The following AGMO variants were observed in gnomAD, a reference collection of about 807,000 sequenced individuals.
AGMO encodes the protein glyceryl-ether monooxygenase.
A neutral mutation model predicts 60.2 loss-of-function variants in AGMO; 75 were observed. The observed-to-expected ratio is 1.25, with a 90% CI of 1.03 to 1.51. The LOEUF (loss-of-function observed/expected upper bound fraction) is 1.51. Ranked by LOEUF, AGMO falls within the 40% of genes most tolerant of loss-of-function variation. AGMO has a pLI of 0.00. For synonymous variants in AGMO, 261 were observed against 177.1 expected (o/e 1.47, Z -3.76); for missense variants, 763 against 525.5 (o/e 1.45, Z -4.42).
At chr7:15,228,864 G>A (rs760493829) in intron 12 of AGMO, among the ~76,000 whole-genome samples, 1 of 152,074 alleles carries the variant, frequency 6.6e-6, no homozygotes, top group African/African-American at 2.4e-5. Context: ...ACAAGAATAA[G>A]TAAAAGCTCT....
chr7:15,263,811 G>T (rs1583341337), intron 12 of AGMO, among the ~76,000 whole-genome samples: 1 of 152,154 alleles, frequency 6.6e-6, no homozygotes, highest in Admixed American at 6.6e-5. Context: ...AGTAACTCAG[G>T]AATGGAAAAC....
chr7:15,286,018 CCATATGTAG>C (rs1184057064), intron 12 of AGMO, among the ~76,000 whole-genome samples: 8 of 151,978 alleles, frequency 5.3e-5, no homozygotes, highest in Admixed American at 2.0e-4. Context: ...AACTGGATAG[CCATATGTAG>C]AAGAATAAAA....
intron 12 of AGMO, among the ~76,000 whole-genome samples, chr7:15,268,917 G>A (rs540549394): frequency 1.6e-4 from 24 of 152,182 alleles, no homozygotes; most frequent in African/African-American, 5.5e-4. Flanking sequence ...AGTCATGACT[G>A]TTGAAGCTGG....
the AGMO span, among the ~76,000 whole-genome samples, chr7:15,150,908 TTA>T: frequency 1.3e-5 from 2 of 152,102 alleles, no homozygotes; most frequent in Non-Finnish European, 2.9e-5. Flanking sequence ...CAGTTCTTCT[TTA>T]TATGTCTGGT....
At chr7:15,262,068 C>A (rs1244907647) in intron 12 of AGMO, among the ~76,000 whole-genome samples, 1 of 151,226 alleles carries the variant, frequency 6.6e-6, no homozygotes, top group African/African-American at 2.4e-5. Context: ...GAAAGCATTC[C>A]CCCTGAGAAA....
At chr7:15,364,092 A>G (rs1421242926) in intron 12 of AGMO, among the ~76,000 whole-genome samples, 2 of 152,004 alleles carry the variant, frequency 1.3e-5, no homozygotes, top group Non-Finnish European at 2.9e-5. Context: ...TCCTGATACT[A>G]AGATAGTATG....
chr7:15,325,709 T>C (rs1033193685), intron 12 of AGMO, among the ~76,000 whole-genome samples: 1 of 152,172 alleles, frequency 6.6e-6, no homozygotes, highest in African/African-American at 2.4e-5. Flanking sequence ...TTGTACCTTA[T>C]CAGCTCACAT....
rs183325362 is a variant in AGMO, at chr7:15,333,071, A to T, written c.1263+32443T>A. The stretch of plus-strand genomic sequence containing the variant: ...GCTTATAACCAGAAAATTGAACTCA[A>T]CTCTATTTTATCATAATATCCTGCG... On this transcript the variant is annotated intron_variant, in intron 12 of 12. Coordinates refer to ENST00000342526, the MANE Select transcript of AGMO (RefSeq NM_001004320.2). 2.6e-5 allele frequency among the ~76,000 whole-genome samples: 4 copies of T among 152,192 alleles called. 1 individual carries two copies. Among genetic ancestry groups the T allele is most frequent in the Admixed American group, 2.0e-4 (3 of 15,254 alleles).
intron 12 of AGMO, among the ~76,000 whole-genome samples, chr7:15,245,048 T>A (rs1035458943): frequency 6.6e-6 from 1 of 152,158 alleles, no homozygotes; most frequent in African/African-American, 2.4e-5. Context: ...AAAGAAAGCA[T>A]CTTCAAGTCT....
At chr7:15,246,325 G>A (rs946926554) in intron 12 of AGMO, among the ~76,000 whole-genome samples, 1 of 151,966 alleles carries the variant, frequency 6.6e-6, no homozygotes, top group African/African-American at 2.4e-5. Flanking sequence ...CCTGTGAACT[G>A]CTGTTATTAA....
intron 3 of AGMO, among the ~76,000 whole-genome samples, chr7:15,530,300 TATTTCCATATATATTCTATATAC>T (rs1784265707): frequency 2.3e-5 from 1 of 43,064 alleles, no homozygotes; most frequent in African/African-American, 8.2e-5. Flanking sequence ...TCTATATACG[TATTTCCATATATATTCTATATAC>T]GTATTTCCAT....
intron 3 of AGMO, among the ~76,000 whole-genome samples, chr7:15,441,298 C>G (rs9639237): frequency 6.6e-6 from 1 of 151,968 alleles, no homozygotes; most frequent in Non-Finnish European, 1.5e-5. Context: ...TAAAAGTTAT[C>G]AGTACTACAT....
At chr7:15,362,208 C>T (rs2128559735) in intron 12 of AGMO, among the ~76,000 whole-genome samples, 1 of 151,966 alleles carries the variant, frequency 6.6e-6, no homozygotes, top group South Asian at 2.1e-4. Flanking sequence ...TTAAGAGATA[C>T]AAATATGAAG....
chr7:15,136,996 A>G, the AGMO span, among the ~76,000 whole-genome samples: 1 of 152,202 alleles, frequency 6.6e-6, no homozygotes, highest in Non-Finnish European at 1.5e-5. Context: ...TCCTATTTTC[A>G]TAAGATGCCA....
intron 12 of AGMO, among the ~76,000 whole-genome samples, chr7:15,215,722 G>A (rs1357838016): frequency 1.3e-5 from 2 of 151,974 alleles, no homozygotes; most frequent in Non-Finnish European, 2.9e-5. Flanking sequence ...AGTGCAGCAG[G>A]AGCTCCAAGA....
At chr7:15,514,587 T>C (rs989855998) in intron 3 of AGMO, among the ~76,000 whole-genome samples, 20 of 152,138 alleles carry the variant, frequency 1.3e-4, no homozygotes, top group African/African-American at 4.6e-4. Context: ...ATGAAGGGCA[T>C]TTAAAAACTT....
chr7:15,547,655 G>C (rs183496820), intron 2 of AGMO, among the ~76,000 whole-genome samples: 1 of 151,838 alleles, frequency 6.6e-6, no homozygotes, highest in Non-Finnish European at 1.5e-5. Flanking sequence ...CACCTGGCTC[G>C]GAGGGTCCTA....
At chr7:15,272,841 G>A (rs1392513327) in intron 12 of AGMO, among the ~76,000 whole-genome samples, 9 of 152,142 alleles carry the variant, frequency 5.9e-5, no homozygotes, top group Admixed American at 4.6e-4. Flanking sequence ...ACTGGTGTGA[G>A]ATGGTATCTC....
At chr7:15,256,340 ATTTTTAT>A (rs1563057064) in intron 12 of AGMO, among the ~76,000 whole-genome samples, 4 of 152,076 alleles carry the variant, frequency 2.6e-5, no homozygotes, top group African/African-American at 9.7e-5. Flanking sequence ...TGAAATTTTT[ATTTTTAT>A]TTTTTATTTT....
Sources: allele counts gnomAD v4.1 joint callset (sites outside exome capture counted in the v4.1 genomes callset), GRCh38; gene constraint gnomAD v4.1.1; transcripts MANE v1.5; gene names NCBI Gene and HGNC (gene_info 2026-07-23, HGNC 2026-07-21).